JAZF1: variants seen among roughly 807,000 people sequenced by gnomAD.
The protein encoded by JAZF1 is juxtaposed with another zinc finger protein 1.
Under a neutral mutation model 26.4 loss-of-function variants are expected in JAZF1, and 8 were observed. The ratio of observed to expected loss-of-function variants is 0.30; its 90% CI spans 0.18 to 0.55. The LOEUF is 0.55. JAZF1 is among the 20% of genes least tolerant of loss of function. JAZF1 has a pLI of 0.94. For synonymous variants in JAZF1, 126 were observed against 122.3 expected, an observed-to-expected ratio of 1.03 and a Z score of -0.20; for missense variants, 199 against 322.0, an observed-to-expected ratio of 0.62 and a Z score of 2.92.
chr7:28,167,268 A>G (rs1476197900), intron 1 of JAZF1, among the ~76,000 whole-genome samples: 1 of 152,220 alleles, frequency 6.6e-6, no homozygotes, highest in Non-Finnish European at 1.5e-5. Context: ...CCTCCTGCAA[A>G]AGACAAGGAA....
At chr7:27,967,847 T>A (rs1025930543) in intron 2 of JAZF1, among the ~76,000 whole-genome samples, 1 of 152,228 alleles carries the variant, frequency 6.6e-6, no homozygotes, top group Non-Finnish European at 1.5e-5. Flanking sequence ...CAACAGGAAG[T>A]CTCAAACCTT....
intron 1 of JAZF1, among the ~76,000 whole-genome samples, chr7:28,168,380 C>CA (rs11301939): frequency 0.012 from 833 of 70,484 alleles, 5 homozygotes; most frequent in Middle Eastern, 0.019. Flanking sequence ...GACTCCGTCT[C>CA]AAAAAAAAAA....
chr7:27,973,290 G>A (rs1434618201), intron 2 of JAZF1, among the ~76,000 whole-genome samples: 1 of 152,154 alleles, frequency 6.6e-6, no homozygotes, highest in East Asian at 1.9e-4. Context: ...TGGAGTGTGT[G>A]TGTGTGTATA....
intron 1 of JAZF1, among the ~76,000 whole-genome samples, chr7:28,065,363 G>A (rs533361494): frequency 3.3e-5 from 5 of 152,198 alleles, no homozygotes; most frequent in African/African-American, 1.2e-4. Flanking sequence ...CGAGGTGAGG[G>A]AATGGAAGAA....
intron 1 of JAZF1, among the ~76,000 whole-genome samples, chr7:28,128,969 T>C (rs556268829): frequency 3.3e-5 from 5 of 152,152 alleles, no homozygotes; most frequent in Admixed American, 2.6e-4. Flanking sequence ...AAGTGAGTTA[T>C]CCTTTAGGAA....
intron 1 of JAZF1, among the ~76,000 whole-genome samples, chr7:28,110,370 G>T (rs985021881): frequency 6.6e-6 from 1 of 151,034 alleles, no homozygotes; most frequent in Non-Finnish European, 1.5e-5. Context: ...AGGTTGTAGT[G>T]AGCCGAGATC....
chr7:28,127,586 A>G (rs1178483972), intron 1 of JAZF1, among the ~76,000 whole-genome samples: 1 of 152,238 alleles, frequency 6.6e-6, no homozygotes, highest in East Asian at 1.9e-4. Context: ...TTATTTCATG[A>G]AAAGCAGAGA....
At chr7:27,858,627 G>A (rs1194017568) in intron 3 of JAZF1, among the ~76,000 whole-genome samples, 3 of 152,144 alleles carry the variant, frequency 2.0e-5, no homozygotes, top group Non-Finnish European at 4.4e-5. Context: ...ATAAGCAATG[G>A]GGAAAGGATT....
chr7:27,918,010 T>C (rs555089121), intron 2 of JAZF1, among the ~76,000 whole-genome samples: 1 of 152,312 alleles, frequency 6.6e-6, no homozygotes, highest in Non-Finnish European at 1.5e-5. Context: ...GATGATGAAC[T>C]ACAGTGGCAC....
chr7:28,013,249 T>C (rs1782828297), intron 1 of JAZF1, among the ~76,000 whole-genome samples: 1 of 152,228 alleles, frequency 6.6e-6, no homozygotes, highest in Admixed American at 6.5e-5. Context: ...TGTTCACCTT[T>C]GAACCAGACC....
At chr7:27,946,476 A>G (rs1227520573) in intron 2 of JAZF1, among the ~76,000 whole-genome samples, 1 of 152,168 alleles carries the variant, frequency 6.6e-6, no homozygotes, top group Non-Finnish European at 1.5e-5. Context: ...ATTCTCCTGG[A>G]AAAAACATCC....
At chr7:27,887,084 C>T (rs997821293) in intron 3 of JAZF1, among the ~76,000 whole-genome samples, 11 of 151,900 alleles carry the variant, frequency 7.2e-5, no homozygotes, top group Non-Finnish European at 1.2e-4. Context: ...TACATGGACA[C>T]ATACGGGAAA....
intron 2 of JAZF1, among the ~76,000 whole-genome samples, chr7:27,907,290 T>C (rs1156627095): frequency 6.6e-6 from 1 of 152,226 alleles, no homozygotes; most frequent in East Asian, 1.9e-4. Flanking sequence ...TGAAAAGCCC[T>C]TGGCTCCACA....
intron 2 of JAZF1, among the ~76,000 whole-genome samples, chr7:27,929,103 C>A (rs1024695703): frequency 1.3e-5 from 2 of 152,212 alleles, no homozygotes; most frequent in African/African-American, 4.8e-5. Context: ...GTATTCTAAG[C>A]AACTTATCCC....
chr7:28,152,077 T>A (rs1164916458), intron 1 of JAZF1, among the ~76,000 whole-genome samples: 2 of 152,222 alleles, frequency 1.3e-5, no homozygotes, highest in African/African-American at 4.8e-5. Context: ...ATGTGAGAGT[T>A]TCGATTTGAC....
chr7:28,066,044 C>T (rs749787426), intron 1 of JAZF1, among the ~76,000 whole-genome samples: 5 of 152,190 alleles, frequency 3.3e-5, no homozygotes, highest in Non-Finnish European at 5.9e-5. Context: ...AGTGCTATCT[C>T]TGTTTTTTGT....
chr7:27,980,208 C>T (rs974830660), intron 2 of JAZF1, among the ~76,000 whole-genome samples: 1 of 152,144 alleles, frequency 6.6e-6, no homozygotes, highest in African/African-American at 2.4e-5. Flanking sequence ...CCCAATGCCC[C>T]ACTGTGTACT....
chr7:27,841,219 G>A (rs1782917110), intron 3 of JAZF1: 1 of 223,936 alleles, frequency 4.5e-6, no homozygotes, highest in Non-Finnish European at 8.8e-6. Flanking sequence ...ACGATGACAG[G>A]CTCCTCACAC....
intron 2 of JAZF1, among the ~76,000 whole-genome samples, chr7:27,904,651 A>T (rs4719914): frequency 0.37 from 56,007 of 152,020 alleles, 10,528 homozygotes; most frequent in East Asian, 0.49. Context: ...AGCTTCATAG[A>T]ACTTTTGCAG....
Sources: gnomAD v4.1 joint callset for allele counts (sites outside exome capture counted in the v4.1 genomes callset) on GRCh38, gnomAD v4.1.1 for gene constraint, MANE v1.5 for transcripts, NCBI Gene and HGNC (gene_info 2026-07-23, HGNC 2026-07-21) for gene names.